The following CTNND2 variants were observed in gnomAD, a reference collection of about 807,000 sequenced individuals.
CTNND2 encodes the protein catenin delta-2.
CTNND2 carries 22 observed loss-of-function variants against 144.4 expected under a neutral mutation model. The ratio of observed to expected loss-of-function variants is 0.15; its 90% CI spans 0.11 to 0.22. The LOEUF (loss-of-function observed/expected upper bound fraction) is 0.22. CTNND2 is among the 10% of genes least tolerant of loss of function. The pLI, the probability that CTNND2 is intolerant of heterozygous loss-of-function variation, is 1.00. For missense variants in CTNND2, 1,353 were observed against 1,618.8 expected (o/e 0.84, Z 2.82); for synonymous variants, 751 against 695.6 (o/e 1.08, Z -1.25).
At chr5:11,398,277 A>G (rs1046971664) in intron 5 of CTNND2, among the ~76,000 whole-genome samples, 1 of 152,228 alleles carries the variant, frequency 6.6e-6, no homozygotes, top group Non-Finnish European at 1.5e-5. Context: ...GATAAGTATG[A>G]GCAAATTTCA....
intron 11 of CTNND2, among the ~76,000 whole-genome samples, chr5:11,171,389 A>ATGC (rs1039141311): frequency 2.6e-5 from 4 of 152,234 alleles, no homozygotes; most frequent in Non-Finnish European, 5.9e-5. Flanking sequence ...CATGGAAAAT[A>ATGC]TGCTATCACT....
chr5:11,293,361 A>G (rs1443007762), intron 9 of CTNND2, among the ~76,000 whole-genome samples: 1 of 152,170 alleles, frequency 6.6e-6, no homozygotes, highest in Non-Finnish European at 1.5e-5. Context: ...GGAAATAGAA[A>G]CTTGAACATA....
chr5:11,721,410 G>C (rs868327637), intron 2 of CTNND2, among the ~76,000 whole-genome samples: 1 of 151,970 alleles, frequency 6.6e-6, no homozygotes, highest in Non-Finnish European at 1.5e-5. Flanking sequence ...ACATAGAATC[G>C]TAAGACTTAG....
intron 3 of CTNND2, among the ~76,000 whole-genome samples, chr5:11,511,907 C>T (rs1268501239): frequency 6.6e-6 from 1 of 152,180 alleles, no homozygotes; most frequent in Non-Finnish European, 1.5e-5. Flanking sequence ...TGCCCTTGGA[C>T]ATTACCAAAG....
At chr5:11,689,472 T>C (rs1462556849) in intron 2 of CTNND2, among the ~76,000 whole-genome samples, 1 of 152,224 alleles carries the variant, frequency 6.6e-6, no homozygotes, top group Non-Finnish European at 1.5e-5. Context: ...TTTTCTGCCA[T>C]CTAAACAATT....
At chr5:11,072,740 G>A (rs1748467149) in intron 16 of CTNND2, among the ~76,000 whole-genome samples, 1 of 152,226 alleles carries the variant, frequency 6.6e-6, no homozygotes, top group Non-Finnish European at 1.5e-5. Context: ...GCTCATGCCA[G>A]GTCACAGACC....
intron 11 of CTNND2, among the ~76,000 whole-genome samples, chr5:11,194,781 C>T (rs1736684362): frequency 6.6e-6 from 1 of 152,034 alleles, no homozygotes; most frequent in African/African-American, 2.4e-5. Flanking sequence ...AACTAATATC[C>T]TTAGAGAAAT....
chr5:11,261,088 G>A (rs1025486149), intron 9 of CTNND2, among the ~76,000 whole-genome samples: 1 of 152,128 alleles, frequency 6.6e-6, no homozygotes, highest in Admixed American at 6.5e-5. Flanking sequence ...CCACAGTCAC[G>A]CGAATGCTTG....
intron 2 of CTNND2, among the ~76,000 whole-genome samples, chr5:11,708,473 C>A (rs4533887): frequency 0.022 from 3,291 of 152,152 alleles, 119 homozygotes; most frequent in African/African-American, 0.074. Context: ...AGTAGTTCTA[C>A]GAATTATAAT....
chr5:11,776,274 A>C (rs1310854340), intron 1 of CTNND2, among the ~76,000 whole-genome samples: 1 of 152,144 alleles, frequency 6.6e-6, no homozygotes, highest in Non-Finnish European at 1.5e-5. Context: ...AGAGGGGGAG[A>C]CCTTCCCCTC....
At chr5:11,101,887 A>ATG (rs201704440) in intron 14 of CTNND2, among the ~76,000 whole-genome samples, 28,680 of 145,144 alleles carry the variant, frequency 0.2, 2,689 homozygotes, top group Non-Finnish European at 0.21. Context: ...ACGACCACAT[A>ATG]TGTGTGTGTG....
intron 12 of CTNND2, among the ~76,000 whole-genome samples, chr5:11,133,371 A>T (rs1419836690): frequency 6.6e-6 from 1 of 151,712 alleles, no homozygotes; most frequent in Admixed American, 6.6e-5. Flanking sequence ...CTTTTTTTTG[A>T]GACGCAGTTT....
chr5:11,372,398 G>T (rs1757544442), intron 7 of CTNND2, among the ~76,000 whole-genome samples: 1 of 152,158 alleles, frequency 6.6e-6, no homozygotes, highest in African/African-American at 2.4e-5. Context: ...AATGATAGTG[G>T]TAACGGAGTA....
intron 9 of CTNND2, among the ~76,000 whole-genome samples, chr5:11,289,031 A>T (rs1748040120): frequency 6.6e-6 from 1 of 152,094 alleles, no homozygotes; most frequent in Non-Finnish European, 1.5e-5. Context: ...CACTGACATG[A>T]TCAGTCTCAG....
chr5:11,761,521 T>C (rs1789261627), intron 1 of CTNND2, among the ~76,000 whole-genome samples: 1 of 152,202 alleles, frequency 6.6e-6, no homozygotes, highest in Non-Finnish European at 1.5e-5. Flanking sequence ...ATATTCAAGA[T>C]GGTACAATAT....
chr5:11,629,448 T>C (rs72734932), intron 2 of CTNND2, among the ~76,000 whole-genome samples: 4,740 of 152,148 alleles, frequency 0.031, 133 homozygotes, highest in Non-Finnish European at 0.053. Context: ...TCACTAAAAG[T>C]GATAATAGTA....
At chr5:11,227,893 AGGTT>A (rs1740531437) in intron 10 of CTNND2, among the ~76,000 whole-genome samples, 3 of 152,160 alleles carry the variant, frequency 2.0e-5, no homozygotes, top group African/African-American at 7.2e-5. Flanking sequence ...GGTATGCCTT[AGGTT>A]ATATTTTTCT....
chr5:11,030,326 C>G (rs1286294569), intron 16 of CTNND2, among the ~76,000 whole-genome samples: 1 of 152,062 alleles, frequency 6.6e-6, no homozygotes, highest in Non-Finnish European at 1.5e-5. Context: ...CTCTAATAAT[C>G]TCTCTATCCC....
intron 7 of CTNND2, among the ~76,000 whole-genome samples, chr5:11,366,114 G>C (rs1756957843): frequency 6.6e-6 from 1 of 152,124 alleles, no homozygotes; most frequent in African/African-American, 2.4e-5. Context: ...CTTCCATTTT[G>C]CCTTCCTCAA....
Sources: gnomAD v4.1 joint callset for allele counts (sites outside exome capture counted in the v4.1 genomes callset) on GRCh38, gnomAD v4.1.1 for gene constraint, MANE v1.5 for transcripts, NCBI Gene and HGNC (gene_info 2026-07-23, HGNC 2026-07-21) for gene names.